Variants in ITGB3BP observed in about 807,000 individuals in gnomAD.
ITGB3BP encodes the protein centromere protein R.
Under a neutral mutation model 29.1 loss-of-function variants are expected in ITGB3BP, and 27 were observed. That is an observed-to-expected ratio of 0.93 (90% CI 0.68 to 1.28). The LOEUF is 1.28. Ranked by LOEUF, ITGB3BP falls within the 50% of genes most tolerant of loss-of-function variation. The probability of loss-of-function intolerance (pLI) is 0.00; values close to 1 mark genes in which losing one functional copy is unlikely to be tolerated. For synonymous variants in ITGB3BP, 61 were observed against 61.4 expected (o/e 0.99, Z 0.03); for missense variants, 192 against 200.2 (o/e 0.96, Z 0.25).
chr1:63,523,066 A>T (rs1646498195), intron 1 of ITGB3BP, 63 bp downstream of exon 1: 4 of 1,596,266 alleles, frequency 2.5e-6, no homozygotes. Context: ...ACTGGGCCAC[A>T]TAATATCTTC....
chr1:63,507,578 T>C (rs1288220432), intron 2 of ITGB3BP, among the ~76,000 whole-genome samples: 1 of 152,238 alleles, frequency 6.6e-6, no homozygotes, highest in Non-Finnish European at 1.5e-5. Context: ...CAGTCACAGC[T>C]GCATTCTGCA....
At chr1:63,506,311 G>A (rs1646079034) in intron 2 of ITGB3BP, among the ~76,000 whole-genome samples, 1 of 152,124 alleles carries the variant, frequency 6.6e-6, no homozygotes, top group Non-Finnish European at 1.5e-5. Flanking sequence ...TTTAAAGTCT[G>A]TTTTATCAGA....
Position 63,496,425 on chromosome 1 carries a change from G to C in ITGB3BP, c.49-6207C>G, listed in dbSNP as rs752203555. Among the ~76,000 whole-genome samples the C allele has an allele frequency of 3.9e-5, 6 of 152,002 alleles. No homozygotes were observed. In the South Asian group the frequency reaches 1.2e-3, roughly 32 times the overall value. ...TTGCTCCTTTGAACAACTGTACCTT[G>C]GTTCTTACTTTCTCCAGCAGGCCAA... On this transcript the variant is annotated intron_variant, in intron 2 of 8. Transcript: ENST00000271002.
At chr1:63,523,318 G>A (rs1384327351), upstream of ITGB3BP, 3 of 737,120 alleles carry the variant, frequency 4.1e-6, no homozygotes, top group Admixed American at 4.6e-5. Flanking sequence ...GCGAGCAAAG[G>A]AGCGAGCGGG....
chr1:63,526,909 T>G (rs931941871), upstream of ITGB3BP, among the ~76,000 whole-genome samples: 1 of 152,128 alleles, frequency 6.6e-6, no homozygotes, highest in Non-Finnish European at 1.5e-5. Flanking sequence ...AGATTACAGT[T>G]GCACGCCACC....
intron 1 of ITGB3BP, among the ~76,000 whole-genome samples, chr1:63,522,567 T>G (rs1646478181): frequency 6.6e-6 from 1 of 152,162 alleles, no homozygotes; most frequent in Non-Finnish European, 1.5e-5. Flanking sequence ...ATTCCCACTA[T>G]GGTCATTCTC....
chr1:63,470,190 A>G (rs7526796), intron 4 of ITGB3BP, among the ~76,000 whole-genome samples: 141,482 of 152,284 alleles, frequency 0.93, 66,644 homozygotes, highest in East Asian at 1. Flanking sequence ...TCTCAGCTCT[A>G]AAGGCTGTGA....
chr1:63,492,392 C>T (rs1645672316), intron 2 of ITGB3BP, among the ~76,000 whole-genome samples: 1 of 152,166 alleles, frequency 6.6e-6, no homozygotes, highest in Non-Finnish European at 1.5e-5. Context: ...TAAATATGCA[C>T]TTTTGTTTAT....
At chr1:63,477,798 G>A (rs1266036121) in intron 4 of ITGB3BP, among the ~76,000 whole-genome samples, 1 of 151,926 alleles carries the variant, frequency 6.6e-6, no homozygotes, top group Non-Finnish European at 1.5e-5. Flanking sequence ...GTCCATTGGT[G>A]TGGTACATAG....
intron 1 of ITGB3BP, 126 bp downstream of exon 1, chr1:63,523,003 T>G (rs1215669079): frequency 9.1e-7 from 1 of 1,094,660 alleles, no homozygotes; most frequent in East Asian, 2.4e-5. Context: ...GAATTGCCTG[T>G]GGACAGAGGA....
rs1392109683 is a variant in ITGB3BP, at chr1:63,460,784, T to C, written c.255-5816A>G. Among the ~76,000 whole-genome samples, 6 of 152,182 alleles carry C rather than the reference T, an allele frequency of 3.9e-5. No individual in the cohort carries two copies. The South Asian group carries it at 1.0e-3, about 26-fold the overall frequency. ...TTCTCTATATCCTTGCCAATATTTG[T>C]TATTTTCCATTTTTATTGTTTGTTT... On this transcript the variant is annotated intron_variant, in intron 4 of 8. Transcript: ENST00000271002.
chr1:63,478,919 A>G (rs1645389515), intron 3 of ITGB3BP, 86 bp from the exon 4 acceptor site: 1 of 487,876 alleles, frequency 2.0e-6, no homozygotes, highest in Non-Finnish European at 3.5e-6. Context: ...CAAATTTTAA[A>G]TAGAAAGTAA....
chr1:63,500,848 C>G (rs1268020782), intron 2 of ITGB3BP, among the ~76,000 whole-genome samples: 1 of 152,036 alleles, frequency 6.6e-6, no homozygotes, highest in Non-Finnish European at 1.5e-5. Flanking sequence ...AAAAGAACAA[C>G]AAAGTTGAAG....
chr1:63,459,627 C>T (rs1470223791), intron 4 of ITGB3BP, among the ~76,000 whole-genome samples: 1 of 152,052 alleles, frequency 6.6e-6, no homozygotes, highest in Non-Finnish European at 1.5e-5. Flanking sequence ...CAAACTATAT[C>T]TTACTTAATT....
chr1:63,456,349 GT>G (rs1455083184), intron 4 of ITGB3BP, among the ~76,000 whole-genome samples: 1 of 151,994 alleles, frequency 6.6e-6, no homozygotes. Context: ...TTCTTTAAAA[GT>G]TTTCCTTTAT....
intron 7 of ITGB3BP, among the ~76,000 whole-genome samples, chr1:63,453,009 A>G (rs529641716): frequency 6.6e-6 from 1 of 152,358 alleles, no homozygotes; most frequent in East Asian, 1.9e-4. Flanking sequence ...ATAACACAGA[A>G]TAATGAAAAG....
At chr1:63,494,319 A>G (rs1412551341) in intron 2 of ITGB3BP, among the ~76,000 whole-genome samples, 2 of 152,302 alleles carry the variant, frequency 1.3e-5, no homozygotes, top group East Asian at 3.9e-4. Context: ...AGGTTTCACT[A>G]TGTTCACCAG....
intron 1 of ITGB3BP, among the ~76,000 whole-genome samples, chr1:63,514,607 C>G (rs115913885): frequency 1.3e-5 from 2 of 152,072 alleles, no homozygotes; most frequent in Admixed American, 6.6e-5. Context: ...AATCCTTTGT[C>G]TGATATATAT....
chr1:63,506,022 T>C (rs1646070209), intron 2 of ITGB3BP, among the ~76,000 whole-genome samples: 1 of 152,258 alleles, frequency 6.6e-6, no homozygotes, highest in Admixed American at 6.5e-5. Context: ...TGTAGATGTC[T>C]ATTAGGTCCG....
Sources: gnomAD v4.1 joint callset for allele counts (sites outside exome capture counted in the v4.1 genomes callset) on GRCh38, gnomAD v4.1.1 for gene constraint, MANE v1.5 for transcripts, NCBI Gene and HGNC (gene_info 2026-07-23, HGNC 2026-07-21) for gene names.